ZC3H13: variants seen among roughly 807,000 people sequenced by gnomAD.
ZC3H13 encodes the protein zinc finger CCCH domain-containing protein 13.
In ZC3H13, 64 loss-of-function variants were observed where a neutral mutation model predicts 204.1. The observed-to-expected ratio is 0.31, with a 90% CI of 0.26 to 0.39. The LOEUF is 0.39. Ranked by LOEUF, ZC3H13 falls within the 10% of genes least tolerant of loss-of-function variation. The pLI, the probability that ZC3H13 is intolerant of heterozygous loss-of-function variation, is 1.00. For synonymous variants in ZC3H13, 667 were observed against 693.7 expected (o/e 0.96, Z 0.60); for missense variants, 1,833 against 2,082.7 (o/e 0.88, Z 2.33).
chr13:46,046,605 T>G (rs1003562572), intron 1 of ZC3H13, among the ~76,000 whole-genome samples: 1 of 151,230 alleles, frequency 6.6e-6, no homozygotes, highest in Non-Finnish European at 1.5e-5. Flanking sequence ...GAGGCAGAGC[T>G]TGCAGTGAGC....
Position 45,985,395 on chromosome 13 carries a change from G to A in ZC3H13, c.1622C>T (p.Thr541Met), listed in dbSNP as rs1012766053. Residue 541 changes from threonine (T) to methionine (M), a missense_variant, in exon 10 of 19, where the codon ACG (threonine) becomes ATG (methionine). Around this residue, in one of 5 missense-constraint regions of ZC3H13, gnomAD observed 1,574 missense variants for 1,757.2 expected, o/e 0.90. Coordinates refer to ENST00000679008, the MANE Select transcript of ZC3H13 (RefSeq NM_001330564.2). ...RNHLREESSRTEIRNESRNES... is the reference protein window; with the variant it reads ...RNHLREESSRMEIRNESRNES... ...ATTTCTGGACTCATTCCTTATTTCC[G>A]TACGAGAACTTTCTTCTCTCAAATG... is the stretch of plus-strand genomic sequence containing the variant. 10 of 1,613,878 alleles carry A rather than the reference G, an allele frequency of 6.2e-6. No homozygotes were observed. Among genetic ancestry groups the A allele is most frequent in the Middle Eastern group, 1.6e-4 (1 of 6,084 alleles).
chr13:45,999,331 C>T (rs1190819382), intron 8 of ZC3H13, among the ~76,000 whole-genome samples: 4 of 152,188 alleles, frequency 2.6e-5, no homozygotes, highest in Non-Finnish European at 5.9e-5. Context: ...CAAACCTGGA[C>T]TCAATCCTCT....
chr13:45,994,016 C>T (rs549773910), intron 8 of ZC3H13, among the ~76,000 whole-genome samples: 1 of 152,364 alleles, frequency 6.6e-6, no homozygotes, highest in Admixed American at 6.5e-5. Flanking sequence ...AGGGTCCACA[C>T]TTACGTGTGA....
At chr13:46,012,969 C>A (rs746098794) in intron 5 of ZC3H13, among the ~76,000 whole-genome samples, 1 of 152,154 alleles carries the variant, frequency 6.6e-6, no homozygotes, top group Non-Finnish European at 1.5e-5. Flanking sequence ...GTGTTTCTGA[C>A]GGTACTGTAT....
chr13:46,000,554 T>C (rs2040671986), intron 8 of ZC3H13, among the ~76,000 whole-genome samples: 1 of 152,236 alleles, frequency 6.6e-6, no homozygotes, highest in Non-Finnish European at 1.5e-5. Context: ...AGGACCTTGC[T>C]CCAGATTAGA....
chr13:45,989,245 G>T, intron 8 of ZC3H13, 148 bp from the exon 9 acceptor site: 1 of 854,478 alleles, frequency 1.2e-6, no homozygotes, highest in Non-Finnish European at 1.8e-6. Context: ...AAAATTCTAA[G>T]TAAGTCACTT....
chr13:46,038,394 C>G (rs1189012425), intron 4 of ZC3H13, among the ~76,000 whole-genome samples: 1 of 152,132 alleles, frequency 6.6e-6, no homozygotes, highest in East Asian at 1.9e-4. Flanking sequence ...GTGCATTTTG[C>G]TCGTATCTTT....
In ZC3H13 at chr13:46,051,600, A is replaced by T. The variant is rs115183768; in HGVS notation, c.-10+804T>A. ...GAACTGCATAAGTATTTATTCTCCA[A>T]CGGTATCGCGGACTTCGAAAACTTG... On this transcript the variant is annotated intron_variant, in intron 1 of 18. Transcript: ENST00000679008. Among the ~76,000 whole-genome samples the T allele has an allele frequency of 6.2e-3, 939 of 152,282 alleles. 11 individuals carry two copies. Among genetic ancestry groups the T allele is most frequent in the African/African-American group, 0.022 (905 of 41,548 alleles).
rs759566119 is a variant in ZC3H13 at position 45,985,622 on chromosome 13, C to G, written c.1395G>C (p.Arg465Ser). 3 of 1,613,764 alleles carry G rather than the reference C, an allele frequency of 1.9e-6. No individual in the cohort carries two copies. In the African/African-American group the frequency reaches 4.0e-5, roughly 22 times the overall value. ...TGGAGTCTCTTAGTTCCCTTCGGTC[C>G]CTAGTATCTCTGGCATCTCTCCGAT... Reference protein sequence around the residue: ...GRDRRDARDTRDRRELRDSRD... With the variant: ...GRDRRDARDTSDRRELRDSRD... The change falls in exon 10 of 19, where the codon AGG becomes AGC. Residue 465 changes from arginine to serine, a missense_variant. Coordinates refer to ENST00000679008, the MANE Select transcript of ZC3H13 (RefSeq NM_001330564.2).
rs1951657706 is a variant in ZC3H13, at chr13:45,961,188, T to C, written c.4676-1542A>G. 1.3e-5 allele frequency among the ~76,000 whole-genome samples: 2 copies of C among 152,138 alleles called. 1 individual carries two copies. Among genetic ancestry groups the C allele is most frequent in the South Asian group, 4.1e-4 (2 of 4,834 alleles). ...TTTGTACCAACCAATGATATAGTCA[T>C]ATATGCACATGATTAAAAACAAAAA... On this transcript the variant is annotated intron_variant, in intron 17 of 18. Coordinates refer to ENST00000679008, the MANE Select transcript of ZC3H13 (RefSeq NM_001330564.2).
rs781157362 is a variant in ZC3H13, at chr13:45,969,613, T to C, written c.2931A>G (p.Ile977Met). The change falls in exon 14 of 19, where the codon ATA (isoleucine) becomes ATG (methionine). Residue 977 changes from isoleucine (I) to methionine (M), a missense_variant. Transcript: ENST00000679008. ...ATGTTGTCTCTATGTTACCCCTCTC[T>C]ATTCCAACATCATCCTCTTTCTTTT... ...IKKKKEDDVG[I>M]ERGNIETTSE... 6.2e-7 allele frequency: 1 copy of C among 1,610,804 alleles called. No homozygotes were observed. Among genetic ancestry groups the C allele is most frequent in the Admixed American group, 1.7e-5 (1 of 59,312 alleles).
chr13:45,956,184 G>A lies in ZC3H13; in HGVS notation c.*943C>T, dbSNP rs1173742875. 1 of 152,102 alleles carries A rather than the reference G, an allele frequency of 6.6e-6. No individual in the cohort carries two copies. Among genetic ancestry groups the A allele is most frequent in the African/African-American group, 2.4e-5 (1 of 41,416 alleles). The allele number at this position is 152,102 out of a possible 1,614,324, so 9.4% of individuals were successfully genotyped here. ...AGTTATAGCTCTAAAAAATATGATA[G>A]TAGAATATTAAACCTCAGGTTACGT... On this transcript the variant is annotated 3_prime_UTR_variant, in exon 19 of 19. Coordinates refer to ENST00000679008, the MANE Select transcript of ZC3H13 (RefSeq NM_001330564.2).
intron 5 of ZC3H13, among the ~76,000 whole-genome samples, chr13:46,018,334 CAGTA>C (rs1342446218): frequency 1.3e-5 from 2 of 151,998 alleles, no homozygotes; most frequent in Non-Finnish European, 2.9e-5. Context: ...CAAGTAGAAA[CAGTA>C]AGGCACAGAA....
chr13:46,022,562 C>T (rs1216922986), intron 4 of ZC3H13, among the ~76,000 whole-genome samples: 3 of 152,058 alleles, frequency 2.0e-5, no homozygotes, highest in South Asian at 4.1e-4. Flanking sequence ...GGCTTCTCAT[C>T]TTCTCTTAAA....
At chr13:45,994,384 G>A (rs1346496302) in intron 8 of ZC3H13, among the ~76,000 whole-genome samples, 2 of 152,156 alleles carry the variant, frequency 1.3e-5, no homozygotes, top group African/African-American at 2.4e-5. Flanking sequence ...TTGTTCAAGG[G>A]TCAACTGTAA....
intron 8 of ZC3H13, among the ~76,000 whole-genome samples, chr13:45,998,145 C>T (rs2040471881): frequency 6.6e-6 from 1 of 152,096 alleles, no homozygotes; most frequent in South Asian, 2.1e-4. Flanking sequence ...CCTTTAATTA[C>T]ATTCCTTATC....
chr13:45,999,967 A>C (rs2040620669), intron 8 of ZC3H13, among the ~76,000 whole-genome samples: 1 of 152,236 alleles, frequency 6.6e-6, no homozygotes, highest in Non-Finnish European at 1.5e-5. Flanking sequence ...AACAAACAGT[A>C]GTATTTTGAA....
chr13:46,029,571 G>GGCGCCCGCTACC (rs1326719968), intron 4 of ZC3H13, among the ~76,000 whole-genome samples: 1 of 151,436 alleles, frequency 6.6e-6, no homozygotes. Context: ...TGGGACTACA[G>GGCGCCCGCTACC]GCGCCCGCTA....
intron 4 of ZC3H13, among the ~76,000 whole-genome samples, chr13:46,033,666 C>CAAGT (rs1045825526): frequency 3.4e-4 from 51 of 152,238 alleles, no homozygotes; most frequent in African/African-American, 1.2e-3. Flanking sequence ...TAAAAGCTTT[C>CAAGT]AAGTACTCTC....
Sources: gnomAD v4.1 joint callset for allele counts (sites outside exome capture counted in the v4.1 genomes callset) on GRCh38, gnomAD v4.1.1 for gene constraint, gnomAD v4.1.1 regional missense constraint, MANE v1.5 for transcripts, NCBI Gene and HGNC (gene_info 2026-07-23, HGNC 2026-07-21) for gene names.